The following ITGA8 variants were observed in gnomAD, a reference collection of about 807,000 sequenced individuals.
ITGA8 encodes the protein integrin alpha-8.
A neutral mutation model predicts 142.3 loss-of-function variants in ITGA8; 91 were observed. The ratio of observed to expected loss-of-function variants is 0.64; its 90% CI spans 0.54 to 0.76. ITGA8 has a LOEUF of 0.76. Ranked by LOEUF, ITGA8 falls within the 30% of genes least tolerant of loss-of-function variation. The probability of loss-of-function intolerance (pLI) is 0.00; values close to 1 mark genes in which losing one functional copy is unlikely to be tolerated. For synonymous variants in ITGA8, 505 were observed against 485.2 expected, an observed-to-expected ratio of 1.04 and a Z score of -0.54; for missense variants, 1,406 against 1,327.7, an observed-to-expected ratio of 1.06 and a Z score of -0.92.
At chr10:15,664,840 A>C (rs908742102) in intron 8 of ITGA8, among the ~76,000 whole-genome samples, 2 of 152,146 alleles carry the variant, frequency 1.3e-5, no homozygotes, top group African/African-American at 4.8e-5. Flanking sequence ...TACAAAGGAC[A>C]TGAACTCATC....
chr10:15,662,070 T>C (rs1356054786), intron 8 of ITGA8, among the ~76,000 whole-genome samples: 1 of 152,102 alleles, frequency 6.6e-6, no homozygotes, highest in Non-Finnish European at 1.5e-5. Flanking sequence ...CATCGGGAAT[T>C]TTGTTTTTAA....
rs769070954 is a variant in ITGA8 at position 15,656,678 on chromosome 10, G to A, written c.949-1272C>T. Among the ~76,000 whole-genome samples the A allele has an allele frequency of 3.3e-5, 5 of 152,024 alleles. No individual in the cohort carries two copies. The East Asian group carries it at 5.8e-4, about 18-fold the overall frequency. ...GCACCTGGCCTCTCCCCATTTTATCGCTGCAGTTTTTCTTTTTAAACCTAT... is the reference window on the plus strand; with the variant it reads ...GCACCTGGCCTCTCCCCATTTTATCACTGCAGTTTTTCTTTTTAAACCTAT... On this transcript the variant is annotated intron_variant, in intron 10 of 29. Transcript: ENST00000378076.
chr10:15,525,804 T>C (rs993928291), intron 28 of ITGA8, among the ~76,000 whole-genome samples: 3 of 152,094 alleles, frequency 2.0e-5, no homozygotes, highest in Non-Finnish European at 2.9e-5. Context: ...TCATGTATTA[T>C]TTATTAATGA....
rs146907837 is a variant in ITGA8 at position 15,672,703 on chromosome 10, T to C, written c.723A>G (p.Ser241=). The C allele has an allele frequency of 6.2e-7, 1 of 1,613,626 alleles. No homozygotes were observed. Among genetic ancestry groups the C allele is most frequent in the Non-Finnish European group, 8.5e-7 (1 of 1,179,830 alleles). ...ASVADIIANY[S]FKDILRKLAG... is the part of the protein sequence containing the mutation. ...CCAGTTTCCTGAGGATATCCTTGAA[T>C]GAGTAATTTGCAATGATATCTGCAA... is the stretch of plus-strand genomic sequence containing the variant. The change falls in exon 7 of 30, where the codon TCA becomes TCG. Residue 241 remains serine, a synonymous_variant. Transcript: ENST00000378076.
chr10:15,570,495 AG>A (rs531224288), intron 25 of ITGA8, among the ~76,000 whole-genome samples: 346 of 151,998 alleles, frequency 2.3e-3, no homozygotes, highest in Non-Finnish European at 4.0e-3. Context: ...CTGTAATCCC[AG>A]CTACTTGGGA....
intron 2 of ITGA8, among the ~76,000 whole-genome samples, chr10:15,707,891 T>C (rs1025058877): frequency 6.0e-5 from 9 of 150,494 alleles, no homozygotes; most frequent in African/African-American, 2.2e-4. Context: ...CCACTAAGCA[T>C]GTGGTAATTT....
intron 1 of ITGA8, 67 bp from the exon 2 acceptor site, chr10:15,718,966 T>G: frequency 1.2e-6 from 2 of 1,607,910 alleles, no homozygotes; most frequent in Non-Finnish European, 1.7e-6. Flanking sequence ...ATGCAGTCTC[T>G]GTAACCTCCT....
At chr10:15,552,787 T>C (rs921711967) in intron 26 of ITGA8, among the ~76,000 whole-genome samples, 3 of 152,226 alleles carry the variant, frequency 2.0e-5, no homozygotes, top group African/African-American at 7.2e-5. Flanking sequence ...ATGCAGTGTT[T>C]GGTTTTCTGT....
At chr10:15,712,299 T>A (rs1474721210) in intron 2 of ITGA8, among the ~76,000 whole-genome samples, 1 of 152,190 alleles carries the variant, frequency 6.6e-6, no homozygotes, top group Non-Finnish European at 1.5e-5. Context: ...CCATGTTCAA[T>A]GGCTGGGTGT....
At chr10:15,523,429 C>G (rs189351281) in intron 28 of ITGA8, among the ~76,000 whole-genome samples, 1 of 152,156 alleles carries the variant, frequency 6.6e-6, no homozygotes, top group African/African-American at 2.4e-5. Context: ...AGTTACAGAA[C>G]GTACTGGCTT....
chr10:15,522,804 G>T (rs1232306237), intron 28 of ITGA8, among the ~76,000 whole-genome samples: 1 of 152,152 alleles, frequency 6.6e-6, no homozygotes, highest in African/African-American at 2.4e-5. Flanking sequence ...CTGAGGTGAG[G>T]AGTTTGAGAC....
intron 24 of ITGA8, 83 bp downstream of exon 24, chr10:15,575,406 A>G: frequency 1.0e-6 from 1 of 960,036 alleles, no homozygotes; most frequent in Non-Finnish European, 1.7e-6. Flanking sequence ...AATAATGATA[A>G]TGATAATAAT....
chr10:15,661,062 G>A lies in ITGA8; in HGVS notation c.848-140C>T. On this transcript the variant is annotated intron_variant, in intron 8 of 29. Coordinates refer to ENST00000378076, the MANE Select transcript of ITGA8 (RefSeq NM_003638.3). ...ACAGAGCAGGGGTCCCCAAGCCCCA[G>A]GCCATCAACCAGCACCTGTCTGTGG... is the stretch of plus-strand genomic sequence containing the variant. The A allele has an allele frequency of 5.5e-6, 4 of 725,986 alleles. No individual in the cohort carries two copies. In the Admixed American group the frequency reaches 9.0e-5, roughly 16 times the overall value. 45.0% of individuals were successfully genotyped at this position (725,986 alleles called of 1,614,324 possible). A position where few individuals can be genotyped will look rare whatever the true frequency, so the allele number is the denominator to read the frequency against.
chr10:15,651,531 G>C (rs7089606), intron 11 of ITGA8, among the ~76,000 whole-genome samples: 103,097 of 149,792 alleles, frequency 0.69, 36,502 homozygotes, highest in South Asian at 0.85. Context: ...CTTATTGACA[G>C]TTTTTTTTTT....
At chr10:15,669,930 G>A (rs1319303454) in intron 8 of ITGA8, among the ~76,000 whole-genome samples, 1 of 152,120 alleles carries the variant, frequency 6.6e-6, no homozygotes, top group African/African-American at 2.4e-5. Flanking sequence ...GCTACTGGGG[G>A]GTCCTTCCCA....
chr10:15,664,612 C>T (rs1038800209), intron 8 of ITGA8, among the ~76,000 whole-genome samples: 1 of 151,292 alleles, frequency 6.6e-6, no homozygotes, highest in Non-Finnish European at 1.5e-5. Context: ...GTGTGCTGCA[C>T]CCATTAACTC....
chr10:15,578,739 T>C (rs992233855), intron 23 of ITGA8, among the ~76,000 whole-genome samples: 2 of 152,106 alleles, frequency 1.3e-5, no homozygotes, highest in South Asian at 4.1e-4. Context: ...TTGTGGTCTC[T>C]CTTAGTACAT....
chr10:15,662,125 G>A (rs2131673247), intron 8 of ITGA8, among the ~76,000 whole-genome samples: 1 of 152,176 alleles, frequency 6.6e-6, no homozygotes, highest in East Asian at 1.9e-4. Flanking sequence ...GCAATCTCAT[G>A]TGACCACAAC....
rs1222711473 is a variant in ITGA8, at chr10:15,644,433, A to AAC, written c.1208-213_1208-212insGT. The stretch of plus-strand genomic sequence containing the variant: ...CAGGTGCATACCACCATGTCAGGCT[A>AAC]ATATATATATATATATATATATATA... On this transcript the variant is annotated intron_variant, in intron 12 of 29. Coordinates refer to ENST00000378076, the MANE Select transcript of ITGA8 (RefSeq NM_003638.3). 1.8e-3 allele frequency among the ~76,000 whole-genome samples: 78 copies of AAC among 42,452 alleles called. 4 individuals carry two copies. The highest frequency in any genetic ancestry group is 2.6e-3 in the Non-Finnish European group (63 of 24,370). 27.9% of individuals were successfully genotyped at this position (42,452 alleles called of 152,430 possible). A position where few individuals can be genotyped will look rare whatever the true frequency, so the allele number is the denominator to read the frequency against.
Sources: allele counts gnomAD v4.1 joint callset (sites outside exome capture counted in the v4.1 genomes callset), GRCh38; gene constraint gnomAD v4.1.1; transcripts MANE v1.5; gene names NCBI Gene and HGNC (gene_info 2026-07-23, HGNC 2026-07-21).